Variants in ARHGEF17 observed in about 807,000 individuals in gnomAD.
ARHGEF17 encodes the protein 164 kDa Rho-specific guanine-nucleotide exchange factor.
In ARHGEF17, 80 loss-of-function variants were observed where a neutral mutation model predicts 174.0. That is an observed-to-expected ratio of 0.46 (90% CI 0.38 to 0.55). The LOEUF (loss-of-function observed/expected upper bound fraction) is 0.55, where lower values mean the gene tolerates loss of function less well. ARHGEF17 is among the 20% of genes least tolerant of loss of function. ARHGEF17 has a pLI of 0.00. For synonymous variants in ARHGEF17, 1,311 were observed against 1,189.1 expected (o/e 1.10, Z -2.11); for missense variants, 2,886 against 2,839.7 (o/e 1.02, Z -0.37).
At chr11:73,326,237 A>AG (rs1865099754) in intron 1 of ARHGEF17, among the ~76,000 whole-genome samples, 2 of 152,206 alleles carry the variant, frequency 1.3e-5, no homozygotes, top group Non-Finnish European at 2.9e-5. Flanking sequence ...TTGAAGGACT[A>AG]GCCAGACCTT....
intron 1 of ARHGEF17, among the ~76,000 whole-genome samples, chr11:73,332,751 G>C (rs1171671135): frequency 6.6e-6 from 1 of 152,050 alleles, no homozygotes; most frequent in Non-Finnish European, 1.5e-5. Context: ...CCTTGAGCAA[G>C]GTACTTAACT....
At position 73,357,309 on chromosome 11, in the gene ARHGEF17, G is replaced by A; in HGVS notation, c.4069G>A (p.Asp1357Asn). 1 of 1,614,056 alleles carries A rather than the reference G, an allele frequency of 6.2e-7. No individual in the cohort carries two copies. The highest frequency in any genetic ancestry group is 8.5e-7 in the Non-Finnish European group (1 of 1,179,974). ...GATGCTGTGGAAGCTGCCGCTGGAA[G>A]ACGCAGACATCATCAAAGGTGGGTT... is the stretch of plus-strand genomic sequence containing the variant. ...YKMLWKLPLE[D>N]ADIIKGASQA... The change falls in exon 9 of 21, where the codon GAC (aspartate) becomes AAC (asparagine). Residue 1357 changes from aspartate to asparagine, a missense_variant. Asp to Asn is a conservative substitution (Grantham distance 23). Coordinates refer to ENST00000263674, the MANE Select transcript of ARHGEF17 (RefSeq NM_014786.4).
rs1865877357 is a variant in ARHGEF17, at chr11:73,368,370, C to T, written c.*590C>T. The T allele has an allele frequency of 1.3e-5, 2 of 152,368 alleles. No individual in the cohort carries two copies. The highest frequency in any genetic ancestry group is 1.3e-4 in the Admixed American group (2 of 15,276). The allele number at this position is 152,368 out of a possible 1,614,324, so 9.4% of individuals were successfully genotyped here. A position where few individuals can be genotyped will look rare whatever the true frequency, so the allele number is the denominator to read the frequency against. On this transcript the variant is annotated 3_prime_UTR_variant, in exon 21 of 21. Coordinates refer to ENST00000263674, the MANE Select transcript of ARHGEF17 (RefSeq NM_014786.4). The stretch of plus-strand genomic sequence containing the variant: ...CCCATTCCATTCATACAGACACACA[C>T]GTACGCACACTGCATGTCCAAGGCC...
At position 73,363,237 on chromosome 11, in the gene ARHGEF17, G is replaced by A. The variant is rs746652617; in HGVS notation, c.5028G>A (p.Thr1676=). 5.6e-6 allele frequency: 9 copies of A among 1,593,730 alleles called. No individual in the cohort carries two copies. Among genetic ancestry groups the A allele is most frequent in the South Asian group, 4.5e-5 (4 of 89,792 alleles). Residue 1676 remains threonine, a synonymous_variant, in exon 15 of 21, where the codon ACG becomes ACA. Coordinates refer to ENST00000263674, the MANE Select transcript of ARHGEF17 (RefSeq NM_014786.4). ...NEETPSSKEA[T]AETTSSEEEQ... ...AGACCCCGAGTTCCAAGGAGGCCAC[G>A]GCAGAGACCACCAGCTCAGAGGAGG...
chr11:73,355,271 G>T (rs958552010), intron 3 of ARHGEF17, among the ~76,000 whole-genome samples: 1 of 152,186 alleles, frequency 6.6e-6, no homozygotes, highest in Non-Finnish European at 1.5e-5. Flanking sequence ...GAGCTCACAG[G>T]ATACATTCAG....
intron 1 of ARHGEF17, among the ~76,000 whole-genome samples, chr11:73,320,945 A>G (rs1185233529): frequency 6.6e-6 from 1 of 152,164 alleles, no homozygotes; most frequent in African/African-American, 2.4e-5. Context: ...GATGGACATG[A>G]GCCACCGCAC....
At chr11:73,316,573 G>T (rs1407522874) in intron 1 of ARHGEF17, among the ~76,000 whole-genome samples, 1 of 152,206 alleles carries the variant, frequency 6.6e-6, no homozygotes, top group Non-Finnish European at 1.5e-5. Flanking sequence ...CAGGTCAGGT[G>T]GCTGAGGGAA....
At position 73,367,580 on chromosome 11, in the gene ARHGEF17, C is replaced by T. The variant is rs1865861300; in HGVS notation, c.5996-4C>T. 3 of 1,609,232 alleles carry T rather than the reference C, an allele frequency of 1.9e-6. No individual in the cohort carries two copies. The highest frequency in any genetic ancestry group is 2.2e-5 in the East Asian group (1 of 44,796). ...AGCTGACAGATCCTCCCCTCTGCCC[C>T]CAGGCCCCGAGAAGCTGCCATCACT... On this transcript the variant is annotated splice_region_variant and splice_polypyrimidine_tract_variant and intron_variant, in intron 20 of 20. Transcript: ENST00000263674.
intron 3 of ARHGEF17, chr11:73,353,324 G>C: frequency 2.4e-6 from 1 of 410,830 alleles, no homozygotes. Context: ...CCCCAAGCTG[G>C]TGCGGACGCT....
Position 73,311,511 on chromosome 11 carries a change from G to C in ARHGEF17, c.2873G>C (p.Arg958Pro), listed in dbSNP as rs766279549. ...GCCCGGCCCTCCTCCAGACACGTTC[G>C]CCATGCCAGTGTGCCCGCCACATTT... ...SRARPSSRHV[R>P]HASVPATFMP... Residue 958 changes from arginine (R) to proline (P), a missense_variant, in exon 1 of 21, where the codon CGC becomes CCC. Arg to Pro is a moderately radical substitution (Grantham distance 103). This residue lies in a region of ARHGEF17 where 1,728 missense variants were observed against 1,461.2 expected (regional missense o/e 1.18). Coordinates refer to ENST00000263674, the MANE Select transcript of ARHGEF17 (RefSeq NM_014786.4). 3.1e-6 allele frequency: 5 copies of C among 1,612,986 alleles called. No individual in the cohort carries two copies. In the African/African-American group the frequency reaches 6.7e-5, roughly 22 times the overall value.
intron 1 of ARHGEF17, among the ~76,000 whole-genome samples, chr11:73,339,915 C>T (rs931336053): frequency 6.6e-6 from 1 of 152,088 alleles, no homozygotes; most frequent in Non-Finnish European, 1.5e-5. Context: ...TAGGCCTTCA[C>T]CAAGCACCCT....
At chr11:73,328,910 A>T (rs915394679) in intron 1 of ARHGEF17, among the ~76,000 whole-genome samples, 3 of 152,154 alleles carry the variant, frequency 2.0e-5, no homozygotes, top group African/African-American at 7.2e-5. Flanking sequence ...TCTAGGAGAG[A>T]GAGTCATGGA....
rs1864826512 is a variant in ARHGEF17, at chr11:73,311,254, G to A, written c.2616G>A (p.Glu872=). 6.2e-7 allele frequency: 1 copy of A among 1,612,354 alleles called. No homozygotes were observed. The highest frequency in any genetic ancestry group is 8.5e-7 in the Non-Finnish European group (1 of 1,179,496). ...SEPILVEQRA[E]PEEPGATRSR... ...CCATCCTTGTAGAGCAGCGGGCAGA[G>A]CCAGAAGAACCTGGTGCCACCAGGA... The change falls in exon 1 of 21, where the codon GAG becomes GAA. Residue 872 remains glutamate, a synonymous_variant. Transcript: ENST00000263674.
rs1178720837 is a variant in ARHGEF17, at chr11:73,308,981, G to A, written c.343G>A (p.Ala115Thr). 2.2e-6 allele frequency: 3 copies of A among 1,373,560 alleles called. No individual in the cohort carries two copies. Among genetic ancestry groups the A allele is most frequent in the Non-Finnish European group, 2.8e-6 (3 of 1,068,768 alleles). The allele number at this position is 1,373,560 out of a possible 1,614,324, so 85.1% of individuals were successfully genotyped here. A position where few individuals can be genotyped will look rare whatever the true frequency, so the allele number is the denominator to read the frequency against. ...GVLPAAAEEA[A>T]EGPARGAWPS... ...CTTACCCGCGGCCGCGGAAGAAGCG[G>A]CCGAGGGCCCAGCGCGAGGAGCCTG... The change falls in exon 1 of 21, where the codon GCC becomes ACC. Residue 115 changes from alanine (A) to threonine (T), a missense_variant. By Grantham distance (58) the Ala-to-Thr change is moderately conservative. Around this residue, in one of 4 missense-constraint regions of ARHGEF17, gnomAD observed 1,728 missense variants for 1,461.2 expected, o/e 1.18. Transcript: ENST00000263674.
chr11:73,362,427 T>C lies in ARHGEF17; in HGVS notation c.4695-6T>C, dbSNP rs1443329304. The C allele has an allele frequency of 3.2e-6, 5 of 1,543,906 alleles. No individual in the cohort carries two copies. The highest frequency in any genetic ancestry group is 1.2e-5 in the South Asian group (1 of 83,208). Reference sequence around the variant, plus strand: ...CTGCTGTCATCCTCACTCCGTCTTCTCGCAGGGAGCCTCCTCCGTCGCTGA... The same window carrying C: ...CTGCTGTCATCCTCACTCCGTCTTCCCGCAGGGAGCCTCCTCCGTCGCTGA... On this transcript the variant is annotated splice_region_variant and splice_polypyrimidine_tract_variant and intron_variant, in intron 13 of 20. Transcript: ENST00000263674.
chr11:73,311,873 GC>G, intron 1 of ARHGEF17, 43 bp downstream of exon 1: 1 of 1,548,168 alleles, frequency 6.5e-7, no homozygotes, highest in Non-Finnish European at 8.7e-7. Flanking sequence ...CCAAAGAAGG[GC>G]CATGGGCACC....
chr11:73,324,939 C>G (rs1040707205), intron 1 of ARHGEF17, among the ~76,000 whole-genome samples: 11 of 152,044 alleles, frequency 7.2e-5, no homozygotes, highest in African/African-American at 2.7e-4. Context: ...CTTTATGGGC[C>G]CAGGGACCCT....
chr11:73,322,631 G>T (rs1239332339), intron 1 of ARHGEF17, among the ~76,000 whole-genome samples: 1 of 152,196 alleles, frequency 6.6e-6, no homozygotes, highest in Non-Finnish European at 1.5e-5. Context: ...TGTGTCTGAG[G>T]CCAAGAGGGG....
chr11:73,310,962 T>C lies in ARHGEF17; in HGVS notation c.2324T>C (p.Met775Thr), dbSNP rs149735964. 2,752 of 1,613,982 alleles carry C rather than the reference T, an allele frequency of 1.7e-3. 3 individuals carry two copies. Among genetic ancestry groups the C allele is most frequent in the Middle Eastern group, 3.6e-3 (22 of 6,062 alleles). Residue 775 changes from methionine to threonine, a missense_variant, in exon 1 of 21, where the codon ATG becomes ACG. By Grantham distance (81) the Met-to-Thr change is moderately conservative (BLOSUM62 -1). Coordinates refer to ENST00000263674, the MANE Select transcript of ARHGEF17 (RefSeq NM_014786.4). ...PKTGLPATSA[M>T]DEGLTSGHSD... The stretch of plus-strand genomic sequence containing the variant: ...ACAGGGCTCCCTGCCACCTCAGCCA[T>C]GGATGAGGGCTTGACCAGTGGTCAC...
Sources: gnomAD v4.1 joint callset for allele counts (sites outside exome capture counted in the v4.1 genomes callset) on GRCh38, gnomAD v4.1.1 for gene constraint, gnomAD v4.1.1 regional missense constraint, MANE v1.5 for transcripts, NCBI Gene and HGNC (gene_info 2026-07-23, HGNC 2026-07-21) for gene names.